Variants in OR56B2 observed in about 807,000 individuals in gnomAD.
The protein encoded by OR56B2 is olfactory receptor family 56 subfamily B member 2, also known as olfactory receptor 56B2.
At chr11:5,768,809 G>A in the OR56B2 span, among the ~76,000 whole-genome samples, 10 of 139,836 alleles carry the variant, frequency 7.2e-5, 2 homozygotes, top group South Asian at 1.4e-3. Flanking sequence ...CACATAATGT[G>A]CCTTTATTTA....
chr11:5,767,855 T>C, the OR56B2 span, among the ~76,000 whole-genome samples: 1 of 137,988 alleles, frequency 7.2e-6, no homozygotes, highest in African/African-American at 2.7e-5. Context: ...ATATCCAGAA[T>C]AGGTTAAGTC....
At chr11:5,764,505 G>C in the OR56B2 span, among the ~76,000 whole-genome samples, 2 of 140,870 alleles carry the variant, frequency 1.4e-5, no homozygotes, top group African/African-American at 5.2e-5. Context: ...CACGTTATTA[G>C]AATGCTTACA....
the OR56B2 span, chr11:5,765,923 TC>T: frequency 7.2e-6 from 1 of 139,816 alleles, no homozygotes. Flanking sequence ...GAATGAGAGT[TC>T]CCCTTATTCC....
chr11:5,763,083 G>A, the OR56B2 span, among the ~76,000 whole-genome samples: 2 of 151,916 alleles, frequency 1.3e-5, no homozygotes, highest in African/African-American at 4.8e-5. Context: ...AAATAGTACA[G>A]TTTTAAAAAA....
chr11:5,763,290 T>C, the OR56B2 span, among the ~76,000 whole-genome samples: 1 of 146,300 alleles, frequency 6.8e-6, no homozygotes, highest in Non-Finnish European at 1.5e-5. Context: ...TCAATCCCTG[T>C]CTCCTTCCAT....
the OR56B2 span, among the ~76,000 whole-genome samples, chr11:5,768,325 G>C: frequency 7.2e-6 from 1 of 139,116 alleles, no homozygotes; most frequent in Non-Finnish European, 1.6e-5. Flanking sequence ...TGTGGTATTT[G>C]CTTTTCTGTT....
chr11:5,764,603 ATGTT>A, the OR56B2 span, among the ~76,000 whole-genome samples: 1 of 140,240 alleles, frequency 7.1e-6, no homozygotes, highest in Non-Finnish European at 1.6e-5. Flanking sequence ...TACTTCATAA[ATGTT>A]TAAGTACGTG....
At chr11:5,763,030 C>T in the OR56B2 span, among the ~76,000 whole-genome samples, 1 of 151,700 alleles carries the variant, frequency 6.6e-6, no homozygotes, top group African/African-American at 2.4e-5. Flanking sequence ...TAAGAATACC[C>T]GATTTATTCT....
chr11:5,763,679 G>T, the OR56B2 span, among the ~76,000 whole-genome samples: 7 of 140,020 alleles, frequency 5.0e-5, 2 homozygotes, highest in African/African-American at 7.9e-5. Context: ...CAAGACTCAT[G>T]GACATAAAAC....
the OR56B2 span, among the ~76,000 whole-genome samples, chr11:5,764,429 C>A: frequency 1.7e-3 from 241 of 141,018 alleles, 30 homozygotes; most frequent in African/African-American, 6.1e-3. Flanking sequence ...CTACAACCAA[C>A]TGAATTTACA....
the OR56B2 span, among the ~76,000 whole-genome samples, chr11:5,761,644 G>A: frequency 2.0e-5 from 3 of 151,974 alleles, no homozygotes; most frequent in East Asian, 1.9e-4. Flanking sequence ...CTCCAGCTCC[G>A]TTGAGTTTTT....
the OR56B2 span, among the ~76,000 whole-genome samples, chr11:5,763,210 T>G: frequency 2.0e-5 from 3 of 152,170 alleles, no homozygotes; most frequent in South Asian, 4.1e-4. Flanking sequence ...TATTTTTAGT[T>G]TTCATCTTGT....
the OR56B2 span, chr11:5,765,642 G>C: frequency 7.1e-6 from 1 of 140,684 alleles, no homozygotes; most frequent in Non-Finnish European, 1.6e-5. Context: ...GAATCAAATT[G>C]AGCACTGTCT....
chr11:5,768,098 GTA>G, the OR56B2 span, among the ~76,000 whole-genome samples: 1 of 138,334 alleles, frequency 7.2e-6, no homozygotes, highest in African/African-American at 2.6e-5. Context: ...ATACATGGAT[GTA>G]TATCCATGTA....
the OR56B2 span, among the ~76,000 whole-genome samples, chr11:5,763,347 CTTG>C: frequency 1.1e-5 from 1 of 90,192 alleles, no homozygotes; most frequent in East Asian, 3.1e-4. Flanking sequence ...GAGTTTCACT[CTTG>C]TTGCCCAGGC....
chr11:5,766,245 T>C, the OR56B2 span: 2 of 140,038 alleles, frequency 1.4e-5, 1 homozygote, highest in African/African-American at 5.2e-5. Flanking sequence ...AAAATCTTCA[T>C]CACAAAGGGT....
At chr11:5,766,760 A>G in the OR56B2 span, 1 of 139,840 alleles carries the variant, frequency 7.2e-6, no homozygotes, top group African/African-American at 2.6e-5. Context: ...ATATGGATAC[A>G]CTGAAATCTC....
chr11:5,767,471 A>G, the OR56B2 span: 41 of 139,250 alleles, frequency 2.9e-4, 6 homozygotes, highest in Non-Finnish European at 4.3e-4. Flanking sequence ...CTATACTAGG[A>G]ATTATTATTT....
chr11:5,765,365 G>A, the OR56B2 span: 2 of 141,198 alleles, frequency 1.4e-5, 1 homozygote. Flanking sequence ...CTAAGATTTT[G>A]GCCATCTTAT....
Sources: gnomAD v4.1 joint callset for allele counts (sites outside exome capture counted in the v4.1 genomes callset) on GRCh38, gnomAD v4.1.1 for gene constraint, MANE v1.5 for transcripts, NCBI Gene and HGNC (gene_info 2026-07-23, HGNC 2026-07-21) for gene names.